The following ZNF10 variants were observed in gnomAD, a reference collection of about 807,000 sequenced individuals.
ZNF10 encodes zinc finger protein 10 (KOX 1).
In ZNF10, 8 loss-of-function variants were observed where a neutral mutation model predicts 12.2. That is an observed-to-expected ratio of 0.66 (90% confidence interval 0.39 to 1.18). ZNF10 has a LOEUF of 1.18. Ranked by LOEUF, ZNF10 falls within the 50% of genes most tolerant of loss-of-function variation. The pLI is 0.01. For synonymous variants in ZNF10, 229 were observed against 228.2 expected, an observed-to-expected ratio of 1.00 and a Z score of -0.03; for missense variants, 603 against 678.9, an observed-to-expected ratio of 0.89 and a Z score of 1.24.
intron 4 of ZNF10, 107 bp from the exon 5 acceptor site, chr12:133,155,396 A>G (rs985708430): frequency 2.8e-5 from 34 of 1,209,502 alleles, no homozygotes; most frequent in Non-Finnish European, 3.4e-5. Flanking sequence ...ATAAAGCCAT[A>G]TTTGAAAGCA....
intron 1 of ZNF10, among the ~76,000 whole-genome samples, chr12:133,142,258 A>T (rs1020466431): frequency 3.3e-5 from 5 of 152,108 alleles, no homozygotes; most frequent in African/African-American, 4.8e-5. Flanking sequence ...CCCCGTCTCT[A>T]CTAAAAAATA....
At chr12:133,148,453 A>C (rs532125537) in intron 2 of ZNF10, among the ~76,000 whole-genome samples, 3 of 152,280 alleles carry the variant, frequency 2.0e-5, no homozygotes, top group Admixed American at 2.0e-4. Flanking sequence ...TATTGTTAAG[A>C]ACCCTCTGAA....
chr12:133,153,773 G>GT (rs1396465558), intron 4 of ZNF10, among the ~76,000 whole-genome samples: 1 of 152,200 alleles, frequency 6.6e-6, no homozygotes, highest in Non-Finnish European at 1.5e-5. Flanking sequence ...CAACCAAAAT[G>GT]TATCATGTCA....
chr12:133,135,176 C>T (rs149907389), intron 1 of ZNF10, among the ~76,000 whole-genome samples: 26 of 152,238 alleles, frequency 1.7e-4, no homozygotes, highest in East Asian at 1.9e-4. Flanking sequence ...TCTTAGTGTG[C>T]GCATATAGAA....
At chr12:133,144,559 G>A in intron 2 of ZNF10, 34 bp downstream of exon 2, 1 of 1,607,734 alleles carries the variant, frequency 6.2e-7, no homozygotes, top group Non-Finnish European at 8.5e-7. Context: ...TTCCAACTGG[G>A]AATTCCTTTT....
chr12:133,131,015 G>A (rs1955871565), intron 1 of ZNF10: 1 of 152,212 alleles, frequency 6.6e-6, no homozygotes, highest in Non-Finnish European at 1.5e-5. Context: ...GGCGGTGGTG[G>A]TAAGTTTGAA....
At chr12:133,152,125 A>G (rs116726853) in intron 4 of ZNF10, among the ~76,000 whole-genome samples, 4,586 of 152,266 alleles carry the variant, frequency 0.03, 217 homozygotes, top group African/African-American at 0.1. Flanking sequence ...CAGCGCTTGC[A>G]CGTGTCGCTC....
intron 4 of ZNF10, among the ~76,000 whole-genome samples, chr12:133,154,631 A>G (rs1956028123): frequency 6.6e-6 from 1 of 152,222 alleles, no homozygotes; most frequent in South Asian, 2.1e-4. Flanking sequence ...TAGAACTTGC[A>G]TCTTGGTAAC....
At chr12:133,143,746 A>G (rs1314693937) in intron 1 of ZNF10, 1 of 152,264 alleles carries the variant, frequency 6.6e-6, no homozygotes, top group African/African-American at 2.4e-5. Context: ...TTTCCTTATC[A>G]GCTCTGTTGG....
intron 2 of ZNF10, 39 bp from the exon 3 acceptor site, chr12:133,150,989 T>C: frequency 1.3e-6 from 2 of 1,599,294 alleles, no homozygotes; most frequent in Non-Finnish European, 1.7e-6. Flanking sequence ...ATAGCAAAGA[T>C]GCATATCTGG....
At chr12:133,147,400 C>T (rs889297384) in intron 2 of ZNF10, among the ~76,000 whole-genome samples, 3 of 152,204 alleles carry the variant, frequency 2.0e-5, no homozygotes, top group African/African-American at 4.8e-5. Flanking sequence ...ATTCCGCATC[C>T]TCACCAGCAC....
Position 133,157,057 on chromosome 12 carries a change from G to C in ZNF10, c.*89G>C. On this transcript the variant is annotated 3_prime_UTR_variant, in exon 5 of 5. Coordinates refer to ENST00000248211, the MANE Select transcript of ZNF10 (RefSeq NM_015394.5). ...AAGCTGTACAAATTGAATCTATGTGGAAATGCTTTCAGTCTTGTTACTATC... is the reference window on the plus strand; with the variant it reads ...AAGCTGTACAAATTGAATCTATGTGCAAATGCTTTCAGTCTTGTTACTATC... The C allele has an allele frequency of 8.2e-7, 1 of 1,214,764 alleles. No individual in the cohort carries two copies. Among genetic ancestry groups the C allele is most frequent in the Non-Finnish European group, 1.1e-6 (1 of 932,954 alleles). The allele number at this position is 1,214,764 out of a possible 1,614,324, so 75.2% of individuals were successfully genotyped here.
intron 4 of ZNF10, among the ~76,000 whole-genome samples, chr12:133,154,716 T>C (rs1956028731): frequency 6.6e-6 from 1 of 152,226 alleles, no homozygotes; most frequent in African/African-American, 2.4e-5. Context: ...CTGGGTGTTA[T>C]TCTATAGTGC....
intron 2 of ZNF10, chr12:133,144,976 A>G (rs1016376691): frequency 8.9e-5 from 34 of 382,828 alleles, no homozygotes; most frequent in African/African-American, 5.8e-4. Context: ...TCCACCTCCC[A>G]GGTTCAAGTG....
chr12:133,150,748 G>C (rs1017321847), intron 2 of ZNF10, among the ~76,000 whole-genome samples: 1 of 152,102 alleles, frequency 6.6e-6, no homozygotes, highest in Non-Finnish European at 1.5e-5. Context: ...GATTCCCCCT[G>C]CCATAGCTGT....
chr12:133,143,534 T>C (rs1955958415), intron 1 of ZNF10: 1 of 151,988 alleles, frequency 6.6e-6, no homozygotes, highest in African/African-American at 2.4e-5. Flanking sequence ...CATTAAAGAA[T>C]GTGCTTCAGA....
Position 133,156,288 on chromosome 12 carries a change from CTG to C in ZNF10, c.1044_1045del (p.Tyr349HisfsTer3). 2 of 1,614,176 alleles carry C rather than the reference CTG, an allele frequency of 1.2e-6. No individual in the cohort carries two copies. The highest frequency in any genetic ancestry group is 1.7e-6 in the Non-Finnish European group (2 of 1,180,026). On this transcript the variant is annotated frameshift_variant, in exon 5 of 5. Transcript: ENST00000248211. LOFTEE classifies it low-confidence loss of function (END_TRUNC). The stretch of plus-strand genomic sequence containing the variant: ...TCAGAGAACTCATACAGGAGACAAA[CTG>C]TACACATGTAATCAGTGTGGGAAAT... ...THQRTHTGDK[L>X]YTCNQCGKSF... is the part of the protein sequence containing the mutation.
chr12:133,156,618 G>GA lies in ZNF10; in HGVS notation c.1373dup (p.Lys459GlufsTer4). On this transcript the variant is annotated frameshift_variant, in exon 5 of 5. Transcript: ENST00000248211. LOFTEE classifies it low-confidence loss of function (END_TRUNC). ...TTCACATCAAAGAACCCACACTGGA[G>GA]AGAAACCATATGAGTGTCATGATTG... 1 of 1,614,112 alleles carries GA rather than the reference G, an allele frequency of 6.2e-7. No individual in the cohort carries two copies. The highest frequency in any genetic ancestry group is 8.5e-7 in the Non-Finnish European group (1 of 1,180,010).
chr12:133,133,523 G>A (rs1328791962), intron 1 of ZNF10, among the ~76,000 whole-genome samples: 1 of 152,188 alleles, frequency 6.6e-6, no homozygotes, highest in African/African-American at 2.4e-5. Context: ...TCTTGGTACC[G>A]TAAGGCAGCG....
Sources: allele counts gnomAD v4.1 joint callset (sites outside exome capture counted in the v4.1 genomes callset), GRCh38; gene constraint gnomAD v4.1.1; transcripts MANE v1.5; gene names NCBI Gene and HGNC (gene_info 2026-07-23, HGNC 2026-07-21).